TMEM232: variants seen among roughly 807,000 people sequenced by gnomAD.
TMEM232 encodes transmembrane protein 232.
Under a neutral mutation model 78.8 loss-of-function variants are expected in TMEM232, and 80 were observed. The ratio of observed to expected loss-of-function variants is 1.01; its 90% confidence interval spans 0.85 to 1.22. TMEM232 has a LOEUF of 1.22. TMEM232 is among the 50% of genes most tolerant of loss of function. The pLI, the probability that TMEM232 is intolerant of heterozygous loss-of-function variation, is 0.00. For missense variants in TMEM232, 881 were observed against 742.2 expected, an observed-to-expected ratio of 1.19 and a Z score of -2.17; for synonymous variants, 297 against 254.3, an observed-to-expected ratio of 1.17 and a Z score of -1.60.
chr5:110,603,587 G>A (rs1376849551), intron 10 of TMEM232, among the ~76,000 whole-genome samples: 2 of 152,126 alleles, frequency 1.3e-5, no homozygotes, highest in African/African-American at 4.8e-5. Flanking sequence ...CATGTATTGA[G>A]CTGCTATGTA....
At chr5:110,670,764 T>C (rs1326530496) in intron 1 of TMEM232, among the ~76,000 whole-genome samples, 3 of 152,036 alleles carry the variant, frequency 2.0e-5, no homozygotes, top group African/African-American at 7.2e-5. Context: ...GCTAACAACA[T>C]CACTGGGCAT....
intron 12 of TMEM232, 102 bp downstream of exon 12, chr5:110,528,486 A>C: frequency 7.8e-7 from 1 of 1,281,042 alleles, no homozygotes; most frequent in Non-Finnish European, 1.0e-6. Flanking sequence ...GAATTGAAGA[A>C]GAGAAACTGA....
chr5:110,463,237 G>A (rs1238436386), intron 12 of TMEM232, among the ~76,000 whole-genome samples: 1 of 152,130 alleles, frequency 6.6e-6, no homozygotes, highest in African/African-American at 2.4e-5. Context: ...ATCAAGGCAA[G>A]GCACTCCACC....
chr5:110,513,296 A>C (rs1768068302), intron 12 of TMEM232, among the ~76,000 whole-genome samples: 2 of 152,206 alleles, frequency 1.3e-5, no homozygotes, highest in Non-Finnish European at 2.9e-5. Flanking sequence ...AAGTGGAATT[A>C]AACTAAAAAC....
intron 4 of TMEM232, among the ~76,000 whole-genome samples, chr5:110,389,064 C>T (rs926119050): frequency 6.6e-6 from 1 of 152,042 alleles, no homozygotes; most frequent in Non-Finnish European, 1.5e-5. Flanking sequence ...AGTTCAAGAC[C>T]GGCCTGGCCA....
intron 11 of TMEM232, among the ~76,000 whole-genome samples, chr5:110,556,221 T>G (rs919362877): frequency 6.6e-6 from 1 of 152,118 alleles, no homozygotes. Flanking sequence ...AAAATGATTT[T>G]ATTTCTCCTT....
chr5:110,544,867 C>T lies in TMEM232; in HGVS notation c.1456-16032G>A, dbSNP rs73783634. On this transcript the variant is annotated intron_variant, in intron 11 of 13. Coordinates refer to ENST00000455884, the MANE Select transcript of TMEM232 (RefSeq NM_001039763.4). ...TTGCCAGTACCTGGGAGCATGTTAT[C>T]AATGTAGTATCTCAGGCCCTATCTT... Among the ~76,000 whole-genome samples, 1,123 of 152,128 alleles carry T rather than the reference C, an allele frequency of 7.4e-3. 11 individuals are homozygous for T. The highest frequency in any genetic ancestry group is 0.026 in the African/African-American group (1,083 of 41,524).
At chr5:110,621,954 G>A (rs1336751808) in intron 7 of TMEM232, among the ~76,000 whole-genome samples, 1 of 152,160 alleles carries the variant, frequency 6.6e-6, no homozygotes, top group East Asian at 1.9e-4. Context: ...AATTATGAGT[G>A]TCTGACTAGG....
intron 13 of TMEM232, 24 bp downstream of exon 13, chr5:110,424,799 T>C (rs1757062708): frequency 6.6e-7 from 1 of 1,509,026 alleles, no homozygotes; most frequent in Non-Finnish European, 9.0e-7. Flanking sequence ...CTTTTGCTGC[T>C]AGTTAAAAAA....
At chr5:110,476,157 TC>T (rs1006611438) in intron 12 of TMEM232, among the ~76,000 whole-genome samples, 28 of 152,002 alleles carry the variant, frequency 1.8e-4, no homozygotes, top group African/African-American at 6.3e-4. Context: ...TGCTTTTTGT[TC>T]CCCTATAATT....
In TMEM232 at chr5:110,642,310, C is replaced by G. The variant is rs946368691; in HGVS notation, c.187G>C (p.Glu63Gln). Reference sequence around the variant, plus strand: ...GCTAGTTCCAACAATTCTTCCTTCTCTTTGGAATTTTGTGTTTGATTGAAT... The same window carrying G: ...GCTAGTTCCAACAATTCTTCCTTCTGTTTGGAATTTTGTGTTTGATTGAAT... Reference protein sequence around the residue: ...LRFNQTQNSKEKEELLELARK... With the variant: ...LRFNQTQNSKQKEELLELARK... Residue 63 changes from glutamate (E) to glutamine (Q), a missense_variant, in exon 3 of 14, where the codon GAG becomes CAG. Physicochemically the swap from Glu to Gln is conservative, Grantham distance 29. Coordinates refer to ENST00000455884, the MANE Select transcript of TMEM232 (RefSeq NM_001039763.4). 6.5e-7 allele frequency: 1 copy of G among 1,539,656 alleles called. No homozygotes were observed. Among genetic ancestry groups the G allele is most frequent in the African/African-American group, 1.4e-5 (1 of 72,348 alleles).
At chr5:110,588,675 A>G (rs902123997) in intron 10 of TMEM232, among the ~76,000 whole-genome samples, 31 of 152,258 alleles carry the variant, frequency 2.0e-4, no homozygotes, top group Admixed American at 1.8e-3. Flanking sequence ...TATGGAAAGA[A>G]AAATTTCATT....
At chr5:110,404,010 T>C (rs1561457623) in intron 2 of TMEM232, among the ~76,000 whole-genome samples, 1 of 151,968 alleles carries the variant, frequency 6.6e-6, no homozygotes, top group African/African-American at 2.4e-5. Context: ...GAATTTTCCT[T>C]CTTAACTTGC....
intron 1 of TMEM232, among the ~76,000 whole-genome samples, chr5:110,717,196 T>TAC (rs1274266445): frequency 4.0e-5 from 6 of 149,958 alleles, no homozygotes; most frequent in Admixed American, 1.3e-4. Flanking sequence ...CCCCGCCACA[T>TAC]ACACACACAC....
intron 6 of TMEM232, 34 bp from the exon 7 acceptor site, chr5:110,625,467 T>A: frequency 1.4e-6 from 2 of 1,475,884 alleles, no homozygotes; most frequent in Non-Finnish European, 1.8e-6. Flanking sequence ...GAGAAATAAT[T>A]TATTAATATT....
intron 1 of TMEM232, among the ~76,000 whole-genome samples, chr5:110,680,826 G>T (rs932748176): frequency 6.6e-6 from 1 of 151,982 alleles, no homozygotes; most frequent in African/African-American, 2.4e-5. Flanking sequence ...TAGGGAAGGA[G>T]GGAAAAAGAA....
intron 12 of TMEM232, among the ~76,000 whole-genome samples, chr5:110,490,034 G>T (rs960491511): frequency 5.3e-5 from 8 of 151,834 alleles, no homozygotes; most frequent in African/African-American, 1.9e-4. Flanking sequence ...TGAGGCAGGA[G>T]AATTTCTTGA....
intron 1 of TMEM232, among the ~76,000 whole-genome samples, chr5:110,692,589 G>T (rs953973430): frequency 6.6e-6 from 1 of 152,204 alleles, no homozygotes; most frequent in African/African-American, 2.4e-5. Flanking sequence ...GGAATATCGG[G>T]TCACTCCCAC....
intron 7 of TMEM232, among the ~76,000 whole-genome samples, chr5:110,621,009 C>A (rs1325306989): frequency 6.6e-6 from 1 of 151,162 alleles, no homozygotes; most frequent in Non-Finnish European, 1.5e-5. Context: ...ATTACAGGTG[C>A]CTGCCACCAC....
Sources: allele counts gnomAD v4.1 joint callset (sites outside exome capture counted in the v4.1 genomes callset), GRCh38; gene constraint gnomAD v4.1.1; transcripts MANE v1.5; gene names NCBI Gene and HGNC (gene_info 2026-07-23, HGNC 2026-07-21).